FBXL13: variants seen among roughly 807,000 people sequenced by gnomAD.
FBXL13 encodes the protein F-box and leucine rich repeat protein 13.
A neutral mutation model predicts 83.6 loss-of-function variants in FBXL13; 67 were observed. The observed-to-expected ratio is 0.80, with a 90% CI of 0.66 to 0.98. FBXL13 has a LOEUF of 0.98. Ranked by LOEUF, FBXL13 falls within the 50% of genes least tolerant of loss-of-function variation. The probability of loss-of-function intolerance (pLI) is 0.00; values close to 1 mark genes in which losing one functional copy is unlikely to be tolerated. For missense variants in FBXL13, 822 were observed against 866.5 expected (o/e 0.95, Z 0.64); for synonymous variants, 272 against 299.5 (o/e 0.91, Z 0.95).
chr7:102,929,625 C>T (rs1195607958), intron 9 of FBXL13, among the ~76,000 whole-genome samples: 4 of 136,008 alleles, frequency 2.9e-5, no homozygotes, highest in African/African-American at 1.1e-4. Flanking sequence ...GATGGCACCA[C>T]TGCACTCCAG....
chr7:102,950,455 T>A (rs549131349), intron 8 of FBXL13, among the ~76,000 whole-genome samples: 2 of 152,322 alleles, frequency 1.3e-5, no homozygotes, highest in South Asian at 4.1e-4. Context: ...TTTGGCACTT[T>A]CTTACAAAAC....
intron 8 of FBXL13, among the ~76,000 whole-genome samples, chr7:102,938,228 C>T (rs1346928766): frequency 1.3e-5 from 2 of 152,128 alleles, no homozygotes; most frequent in Non-Finnish European, 2.9e-5. Context: ...AATAGTTTAC[C>T]ATTTTTAAGG....
rs141283501 is a variant in FBXL13, at chr7:102,881,391, T to C, written c.1388+1914A>G. ...GGCAGAGGTTGCAGTGAGCCAAGAT[T>C]GCACCACTGCACTCCAGCCTGGGTG... is the stretch of plus-strand genomic sequence containing the variant. On this transcript the variant is annotated intron_variant, in intron 14 of 19. Coordinates refer to ENST00000313221, the Ensembl canonical transcript of FBXL13. Among the ~76,000 whole-genome samples the C allele has an allele frequency of 3.8e-3, 528 of 140,276 alleles. 4 individuals carry two copies. Among genetic ancestry groups the C allele is most frequent in the African/African-American group, 0.014 (523 of 36,984 alleles). 92.0% of individuals were successfully genotyped at this position (140,276 alleles called of 152,430 possible).
chr7:102,945,045 CTTTT>C (rs1039160302), intron 8 of FBXL13: 1 of 153,204 alleles, frequency 6.5e-6, no homozygotes, highest in Non-Finnish European at 1.5e-5. Flanking sequence ...TACCCCTCTA[CTTTT>C]TTTCAGTAAG....
chr7:103,063,688 G>A (rs12666317), intron 1 of FBXL13, among the ~76,000 whole-genome samples: 84,077 of 148,678 alleles, frequency 0.57, 26,458 homozygotes, highest in Non-Finnish European at 0.7. Context: ...TTAACAATTG[G>A]TGAAGCCTAG....
chr7:102,867,094 C>T (rs544079327), intron 16 of FBXL13, among the ~76,000 whole-genome samples: 6 of 152,318 alleles, frequency 3.9e-5, no homozygotes, highest in Admixed American at 6.5e-5. Flanking sequence ...CAGCTGACGC[C>T]TAACATCTCA....
chr7:102,867,686 TATATATA>T (rs1807891636), intron 16 of FBXL13, among the ~76,000 whole-genome samples: 1 of 85,318 alleles, frequency 1.2e-5, no homozygotes, highest in Non-Finnish European at 2.1e-5. Flanking sequence ...TATATATATA[TATATATA>T]TATTTTTTTT....
rs567851916 is a variant in FBXL13 at position 102,854,841 on chromosome 7, C to T, written c.1655G>A (p.Arg552Lys). Residue 552 changes from arginine (R) to lysine (K), a missense_variant, in exon 17 of 20, where the codon AGA becomes AAA. Arg to Lys is a conservative substitution (Grantham distance 26). Transcript: ENST00000313221. ...AGAAAGTTCCTTCAATTTTTTATGT[C>T]TGGAAAGCACATTCAAACCCTAAAA... 16 of 1,582,234 alleles carry T rather than the reference C, an allele frequency of 1.0e-5. No individual in the cohort carries two copies. In the South Asian group the frequency reaches 1.8e-4, roughly 18 times the overall value.
chr7:103,012,799 G>C (rs993672317), intron 6 of FBXL13, among the ~76,000 whole-genome samples: 1 of 152,204 alleles, frequency 6.6e-6, no homozygotes, highest in Non-Finnish European at 1.5e-5. Flanking sequence ...AAATCCACAT[G>C]TATCGATACT....
In FBXL13 at chr7:102,934,414, T is replaced by C. The variant is rs138612514; in HGVS notation, c.725-2481A>G. 2,458 of 1,614,226 alleles carry C rather than the reference T, an allele frequency of 1.5e-3. 45 individuals are homozygous for C. The Admixed American group carries it at 0.034, about 23-fold the overall frequency. ...GTCTTTATGACAACCCCTGGCACTGTACTTGTGAGATAGAAACGCTTATTT... is the reference window on the plus strand; with the variant it reads ...GTCTTTATGACAACCCCTGGCACTGCACTTGTGAGATAGAAACGCTTATTT... On this transcript the variant is annotated intron_variant, in intron 8 of 19. Transcript: ENST00000313221.
intron 6 of FBXL13, among the ~76,000 whole-genome samples, chr7:102,970,578 A>G (rs1346495642): frequency 2.0e-5 from 3 of 152,208 alleles, no homozygotes; most frequent in African/African-American, 7.2e-5. Context: ...CAGGCCTTAC[A>G]GGATACCCAT....
chr7:102,924,881 G>A (rs1029988748), intron 10 of FBXL13, among the ~76,000 whole-genome samples: 13 of 151,728 alleles, frequency 8.6e-5, no homozygotes, highest in East Asian at 3.9e-4. Flanking sequence ...CACCCGCCCC[G>A]GCCTCCCAAA....
At chr7:103,062,644 A>C (rs1015486672) in intron 1 of FBXL13, among the ~76,000 whole-genome samples, 2 of 152,128 alleles carry the variant, frequency 1.3e-5, no homozygotes, top group Non-Finnish European at 2.9e-5. Context: ...TTTTTCCTGA[A>C]TCTTAATGAT....
chr7:102,834,952 C>A (rs922085309), intron 17 of FBXL13, among the ~76,000 whole-genome samples: 3 of 149,566 alleles, frequency 2.0e-5, no homozygotes, highest in East Asian at 2.0e-4. Context: ...TAAATATATA[C>A]AATTTTTATT....
At chr7:103,056,251 T>C (rs1797321398) in intron 1 of FBXL13, among the ~76,000 whole-genome samples, 1 of 152,210 alleles carries the variant, frequency 6.6e-6, no homozygotes, top group African/African-American at 2.4e-5. Flanking sequence ...TCACAATTTC[T>C]TTATTCAATC....
chr7:102,834,088 A>AAGGAAGGGAG (rs1562925880), intron 17 of FBXL13, among the ~76,000 whole-genome samples: 1 of 61,748 alleles, frequency 1.6e-5, no homozygotes, highest in African/African-American at 6.9e-5. Context: ...AAGGAAAGAA[A>AAGGAAGGGAG]AGAAAGAAAG....
At chr7:102,840,015 T>G (rs1802645567) in intron 17 of FBXL13, among the ~76,000 whole-genome samples, 1 of 152,174 alleles carries the variant, frequency 6.6e-6, no homozygotes, top group Admixed American at 6.5e-5. Flanking sequence ...TCTTGATGGC[T>G]TACTGGCTGC....
chr7:103,050,492 G>C (rs1175781438), intron 2 of FBXL13, among the ~76,000 whole-genome samples: 3 of 152,172 alleles, frequency 2.0e-5, no homozygotes, highest in Non-Finnish European at 1.5e-5. Context: ...TATCAAACTG[G>C]TAAGGCTTAA....
At position 102,863,462 on chromosome 7, in the gene FBXL13, T is replaced by C. The variant is rs376257204; in HGVS notation, c.1636-8602A>G. 5.9e-5 allele frequency among the ~76,000 whole-genome samples: 9 copies of C among 151,892 alleles called. 1 individual carries two copies. In the East Asian group the frequency reaches 9.7e-4, roughly 16 times the overall value. ...TTCTTTCATGCCTTTTTAATTTGTT[T>C]TTAAGGATAAAACAGAGTATAAGTT... On this transcript the variant is annotated intron_variant, in intron 16 of 19. Transcript: ENST00000313221.
Sources: gnomAD v4.1 joint callset for allele counts (sites outside exome capture counted in the v4.1 genomes callset) on GRCh38, gnomAD v4.1.1 for gene constraint, MANE v1.5 for transcripts, NCBI Gene and HGNC (gene_info 2026-07-23, HGNC 2026-07-21) for gene names.